Variants in GMDS observed in about 807,000 individuals in gnomAD.
GMDS encodes GDP-mannose 4,6-dehydratase.
A neutral mutation model predicts 49.9 loss-of-function variants in GMDS; 20 were observed. That is an observed-to-expected ratio of 0.40 (90% CI 0.28 to 0.58). GMDS has a LOEUF of 0.58. Ranked by LOEUF, GMDS falls within the 20% of genes least tolerant of loss-of-function variation. The pLI is 0.42. For missense variants in GMDS, 362 were observed against 481.4 expected (o/e 0.75, Z 2.32); for synonymous variants, 177 against 178.6 (o/e 0.99, Z 0.07).
rs187182272 is a variant in GMDS, at chr6:2,191,636, G to A, written c.102+53685C>T. ...GGGGTTGGGGCCAAGCCGGGGAGCT[G>A]TCACAGCCCAGCCAGGTATGTGAGG... On this transcript the variant is annotated intron_variant, in intron 1 of 10. Coordinates refer to ENST00000380815, the MANE Select transcript of GMDS (RefSeq NM_001500.4). This position sits in a 1 kb window ranked among gnomAD's most constrained non-coding sequence, Gnocchi z 4.6. 1.7e-3 allele frequency among the ~76,000 whole-genome samples: 258 copies of A among 152,340 alleles called. 1 individual carries two copies. The highest frequency in any genetic ancestry group is 3.9e-3 in the African/African-American group (164 of 41,594).
chr6:2,072,878 C>G (rs187773484), intron 4 of GMDS, among the ~76,000 whole-genome samples: 38 of 152,250 alleles, frequency 2.5e-4, no homozygotes, highest in African/African-American at 8.7e-4. Flanking sequence ...GGTAAAATCA[C>G]AAACACATTT....
chr6:2,003,552 A>G (rs1243635928), intron 4 of GMDS, among the ~76,000 whole-genome samples: 10 of 152,180 alleles, frequency 6.6e-5, no homozygotes, highest in African/African-American at 2.4e-4. Flanking sequence ...CACCAGCATC[A>G]AATTCCAAAG....
At chr6:1,992,110 C>G (rs1280838061) in intron 4 of GMDS, among the ~76,000 whole-genome samples, 1 of 152,230 alleles carries the variant, frequency 6.6e-6, no homozygotes, top group Non-Finnish European at 1.5e-5. Flanking sequence ...TTAAGCCACA[C>G]AGTGTGTGGG....
intron 4 of GMDS, among the ~76,000 whole-genome samples, chr6:2,038,810 T>C (rs9503077): frequency 0.46 from 70,249 of 152,050 alleles, 16,428 homozygotes; most frequent in South Asian, 0.53. Context: ...ACTCTGGACA[T>C]ATAGTTGCTC....
intron 7 of GMDS, among the ~76,000 whole-genome samples, chr6:1,840,113 G>C (rs1299900802): frequency 2.0e-5 from 3 of 152,154 alleles, no homozygotes; most frequent in Non-Finnish European, 4.4e-5. Context: ...CACAAAACCA[G>C]TGCACTTCAA....
At chr6:1,870,988 C>T (rs764273534) in intron 7 of GMDS, among the ~76,000 whole-genome samples, 8 of 152,010 alleles carry the variant, frequency 5.3e-5, no homozygotes, top group Non-Finnish European at 1.0e-4. Flanking sequence ...GTTTGGGTGG[C>T]TTCCGCTAAT....
In GMDS at chr6:1,888,416, T is replaced by C. The variant is rs1425416979; in HGVS notation, c.771+41687A>G. Reference sequence around the variant, plus strand: ...AATGCCAGAGGAATGACCAGACACTTATAAAACCATCAGATCTCGTGAGAA... The same window carrying C: ...AATGCCAGAGGAATGACCAGACACTCATAAAACCATCAGATCTCGTGAGAA... On this transcript the variant is annotated intron_variant, in intron 7 of 10. Coordinates refer to ENST00000380815, the MANE Select transcript of GMDS (RefSeq NM_001500.4). 5.9e-5 allele frequency among the ~76,000 whole-genome samples: 9 copies of C among 152,122 alleles called. No individual in the cohort carries two copies. The East Asian group carries it at 1.7e-3, about 29-fold the overall frequency.
At chr6:1,703,385 A>G (rs1346942054) in intron 9 of GMDS, among the ~76,000 whole-genome samples, 1 of 152,136 alleles carries the variant, frequency 6.6e-6, no homozygotes, top group African/African-American at 2.4e-5. Context: ...GTTCCACCCG[A>G]AAGTGGTAAC....
chr6:1,960,237 C>G (rs1343023237), intron 5 of GMDS, among the ~76,000 whole-genome samples: 1 of 152,170 alleles, frequency 6.6e-6, no homozygotes, highest in Non-Finnish European at 1.5e-5. Context: ...ATCTTTTTCT[C>G]TCTCATTCTC....
chr6:1,857,898 A>G (rs1758008121), intron 7 of GMDS, among the ~76,000 whole-genome samples: 1 of 152,158 alleles, frequency 6.6e-6, no homozygotes, highest in African/African-American at 2.4e-5. Context: ...ATCATCTTGG[A>G]ACACTCATGG....
intron 1 of GMDS, among the ~76,000 whole-genome samples, chr6:2,189,695 C>T (rs962022533): frequency 3.3e-5 from 5 of 152,164 alleles, no homozygotes; most frequent in Non-Finnish European, 7.3e-5. Context: ...GAAACTAGTA[C>T]ACTGCTCTGG....
At chr6:1,683,686 T>C (rs1764874231) in intron 9 of GMDS, among the ~76,000 whole-genome samples, 2 of 152,218 alleles carry the variant, frequency 1.3e-5, no homozygotes, top group African/African-American at 4.8e-5. Flanking sequence ...GAGGTGCTTT[T>C]GTCTCACTTG....
intron 7 of GMDS, among the ~76,000 whole-genome samples, chr6:1,799,720 A>G (rs1769872018): frequency 6.6e-6 from 1 of 152,144 alleles, no homozygotes; most frequent in South Asian, 2.1e-4. Flanking sequence ...TGATATATGC[A>G]TATGCTACCC....
At chr6:1,688,503 C>T (rs1765061765) in intron 9 of GMDS, among the ~76,000 whole-genome samples, 1 of 152,222 alleles carries the variant, frequency 6.6e-6, no homozygotes, top group Non-Finnish European at 1.5e-5. Context: ...GTGTGTGTTT[C>T]TACATTACAT....
At chr6:1,722,488 T>C (rs1318227234) in intron 9 of GMDS, among the ~76,000 whole-genome samples, 1 of 151,748 alleles carries the variant, frequency 6.6e-6, no homozygotes, top group Admixed American at 6.6e-5. Context: ...GTTTGATAAA[T>C]ACTTAGTGCA....
At chr6:1,743,983 T>C (rs1427470174) in intron 7 of GMDS, among the ~76,000 whole-genome samples, 1 of 152,152 alleles carries the variant, frequency 6.6e-6, no homozygotes. Flanking sequence ...TAAACAAAAC[T>C]GTTTGGTTTG....
intron 1 of GMDS, among the ~76,000 whole-genome samples, chr6:2,137,670 T>C (rs147589673): frequency 5.3e-5 from 8 of 152,294 alleles, no homozygotes; most frequent in Admixed American, 1.3e-4. Context: ...CTTGGGCAAG[T>C]GCCCCTTTTT....
intron 9 of GMDS, among the ~76,000 whole-genome samples, chr6:1,717,300 G>A (rs544894215): frequency 6.6e-6 from 1 of 152,348 alleles, no homozygotes; most frequent in Non-Finnish European, 1.5e-5. Flanking sequence ...GTGACACTCA[G>A]CTGGCTCTAG....
At chr6:1,894,459 C>T (rs1181635344) in intron 7 of GMDS, among the ~76,000 whole-genome samples, 2 of 152,082 alleles carry the variant, frequency 1.3e-5, no homozygotes, top group Non-Finnish European at 2.9e-5. Flanking sequence ...AATATTAAAA[C>T]ATTTCATAAT....
Sources: allele counts gnomAD v4.1 joint callset (sites outside exome capture counted in the v4.1 genomes callset), GRCh38; gene constraint gnomAD v4.1.1; non-coding constraint Gnocchi (gnomAD v3.1); transcripts MANE v1.5; gene names NCBI Gene and HGNC (gene_info 2026-07-23, HGNC 2026-07-21).